The following ARHGAP27 variants were observed in gnomAD, a reference collection of about 807,000 sequenced individuals.
ARHGAP27 encodes Rho GTPase activating protein 27.
In ARHGAP27, 53 loss-of-function variants were observed where a neutral mutation model predicts 102.0. The ratio of observed to expected loss-of-function variants is 0.52; its 90% CI spans 0.42 to 0.65. The LOEUF is 0.65. Ranked by LOEUF, ARHGAP27 falls within the 30% of genes least tolerant of loss-of-function variation. ARHGAP27 has a pLI of 0.00. For synonymous variants in ARHGAP27, 525 were observed against 542.8 expected (o/e 0.97, Z 0.46); for missense variants, 1,117 against 1,256.2 (o/e 0.89, Z 1.68).
At position 45,403,666 on chromosome 17, in the gene ARHGAP27, C is replaced by T. The variant is rs148632168; in HGVS notation, c.1591G>A (p.Val531Ile). 19 of 1,613,886 alleles carry T rather than the reference C, an allele frequency of 1.2e-5. No individual in the cohort carries two copies. The highest frequency in any genetic ancestry group is 5.5e-5 in the South Asian group (5 of 91,078). Residue 531 changes from valine (V) to isoleucine (I), a missense_variant, in exon 11 of 20, where the codon GTC becomes ATC. Val to Ile is a conservative substitution (Grantham distance 29, BLOSUM62 3). Coordinates refer to ENST00000685559, the MANE Select transcript of ARHGAP27 (RefSeq NM_001282290.2). ...TTTGAGTCCTTGAAGAATGTCAGGACGCCACCCTCCAGCACAGTCCAGGAG... is the reference window on the plus strand; with the variant it reads ...TTTGAGTCCTTGAAGAATGTCAGGATGCCACCCTCCAGCACAGTCCAGGAG... ...SASWTVLEGG[V>I]LTFFKDSKTS... is the part of the protein sequence containing the mutation.
In ARHGAP27 at chr17:45,405,859, C is replaced by A; in HGVS notation, c.882G>T (p.Ser294=). ...TCTCAAGGCTCACGTGGCTGTCCAC[C>A]GAGGCAGGGGAGGTGGCTGGGCTGG... ...GAASPATSPA[S]VDSHVSLETE... is the part of the protein sequence containing the mutation. Residue 294 remains serine, a synonymous_variant, in exon 5 of 20, where the codon TCG becomes TCT. Transcript: ENST00000685559. The A allele has an allele frequency of 6.5e-7, 1 of 1,536,254 alleles. No individual in the cohort carries two copies. Among genetic ancestry groups the A allele is most frequent in the Non-Finnish European group, 8.7e-7 (1 of 1,146,900 alleles).
rs118072696 is a variant in ARHGAP27 at position 45,403,575 on chromosome 17, A to T, written c.1638+44T>A. 3,037 of 1,462,644 alleles carry T rather than the reference A, an allele frequency of 2.1e-3. 72 individuals are homozygous for T. In the East Asian group the frequency reaches 0.044, roughly 21 times the overall value. 90.6% of individuals were successfully genotyped at this position (1,462,644 alleles called of 1,614,324 possible). A position where few individuals can be genotyped will look rare whatever the true frequency, so the allele number is the denominator to read the frequency against. ...CAAAAAAAATAAAAATAAAAATAAA[A>T]AAAAGCAGATGGGATGGTCCCTGCC... On this transcript the variant is annotated intron_variant, in intron 11 of 19. Coordinates refer to ENST00000685559, the MANE Select transcript of ARHGAP27 (RefSeq NM_001282290.2).
At chr17:45,410,783 T>C (rs1328296356) in intron 4 of ARHGAP27, among the ~76,000 whole-genome samples, 1 of 150,828 alleles carries the variant, frequency 6.6e-6, no homozygotes, top group East Asian at 2.0e-4. Flanking sequence ...GGTTGTCCAC[T>C]CCCTCTAGGC....
In ARHGAP27 at chr17:45,400,591, C is replaced by T. The variant is rs553191734; in HGVS notation, c.1743+2123G>A. Among the ~76,000 whole-genome samples the T allele has an allele frequency of 2.0e-5, 3 of 152,308 alleles. No homozygotes were observed. In the East Asian group the frequency reaches 5.8e-4, roughly 29 times the overall value. Reference sequence around the variant, plus strand: ...CTGTTTGAAGGATATACCTATCCCTCAAAGTCAGGGGAGAAACATGACTAG... The same window carrying T: ...CTGTTTGAAGGATATACCTATCCCTTAAAGTCAGGGGAGAAACATGACTAG... On this transcript the variant is annotated intron_variant, in intron 12 of 19. Transcript: ENST00000685559.
At chr17:45,419,484 G>GTA (rs1482811908) in intron 4 of ARHGAP27, among the ~76,000 whole-genome samples, 1 of 140,078 alleles carries the variant, frequency 7.1e-6, no homozygotes, top group Non-Finnish European at 1.5e-5. Context: ...TGCTGTGTGT[G>GTA]TATATATATA....
chr17:45,418,447 G>A (rs1359889551), intron 4 of ARHGAP27, among the ~76,000 whole-genome samples: 1 of 151,972 alleles, frequency 6.6e-6, no homozygotes. Flanking sequence ...TCCAGCCTGG[G>A]TGACAGAGCG....
chr17:45,402,132 G>T (rs1722318933), intron 12 of ARHGAP27, among the ~76,000 whole-genome samples: 1 of 152,174 alleles, frequency 6.6e-6, no homozygotes, highest in South Asian at 2.1e-4. Flanking sequence ...TTATTCACTG[G>T]GGATGCGGTC....
At chr17:45,402,884 C>CCCCATCCTATT in intron 11 of ARHGAP27, 66 bp from the exon 12 acceptor site, 2 of 1,381,066 alleles carry the variant, frequency 1.4e-6, no homozygotes, top group South Asian at 1.2e-5. Flanking sequence ...GGCACTCTGA[C>CCCCATCCTATT]CCTAGGAATA....
intron 5 of ARHGAP27, 36 bp from the exon 6 acceptor site, chr17:45,405,142 G>T: frequency 6.5e-7 from 1 of 1,535,828 alleles, no homozygotes; most frequent in Non-Finnish European, 8.8e-7. Context: ...GAGGCTCTGA[G>T]TGCCAGTACT....
rs868660681 is a variant in ARHGAP27 at position 45,395,071 on chromosome 17, A to C, written c.*385T>G. 3.2e-4 allele frequency: 83 copies of C among 262,610 alleles called. No homozygotes were observed. Among genetic ancestry groups the C allele is most frequent in the African/African-American group, 1.7e-3 (75 of 44,178 alleles). The allele number at this position is 262,610 out of a possible 1,614,324, so 16.3% of individuals were successfully genotyped here. On this transcript the variant is annotated 3_prime_UTR_variant, in exon 20 of 20. Coordinates refer to ENST00000685559, the MANE Select transcript of ARHGAP27 (RefSeq NM_001282290.2). ...CAGGGTCTCTGTGAAGGCCTCCACG[A>C]GGTGAGGGCCAGAAGCAGCCAGGAA...
intron 4 of ARHGAP27, among the ~76,000 whole-genome samples, chr17:45,414,320 C>T (rs1292296014): frequency 6.6e-6 from 1 of 152,174 alleles, no homozygotes; most frequent in East Asian, 1.9e-4. Flanking sequence ...TCAGCCCGGT[C>T]CTGAAGGACC....
At position 45,430,092 on chromosome 17, in the gene ARHGAP27, T is replaced by TA; in HGVS notation, c.187dup (p.Tyr63LeufsTer27). On this transcript the variant is annotated frameshift_variant, in exon 4 of 20. Coordinates refer to ENST00000685559, the MANE Select transcript of ARHGAP27 (RefSeq NM_001282290.2). LOFTEE classifies it high-confidence loss of function. The surrounding 1 kb of genome is among the most constrained non-coding windows in gnomAD (Gnocchi z 4.4). The stretch of plus-strand genomic sequence containing the variant: ...GCCCAGCGCGGGCAGCTCGCGCACG[T>TA]ACTGCGCAGGCAGGTAGAAGGGGCG... 1 of 1,490,760 alleles carries TA rather than the reference T, an allele frequency of 6.7e-7. No homozygotes were observed. The highest frequency in any genetic ancestry group is 2.4e-4 in the Middle Eastern group (1 of 4,252). The allele number at this position is 1,490,760 out of a possible 1,614,324, so 92.3% of individuals were successfully genotyped here.
At chr17:45,416,288 T>C (rs2048446203) in intron 4 of ARHGAP27, among the ~76,000 whole-genome samples, 1 of 151,874 alleles carries the variant, frequency 6.6e-6, no homozygotes, top group Non-Finnish European at 1.5e-5. Context: ...TCTCCTGACC[T>C]CGTGATCCGC....
chr17:45,404,714 C>T, intron 6 of ARHGAP27, 33 bp from the exon 7 acceptor site: 1 of 1,594,356 alleles, frequency 6.3e-7, no homozygotes, highest in Non-Finnish European at 8.5e-7. Flanking sequence ...GGCCTCCAGC[C>T]CAGCTTATGA....
chr17:45,395,910 G>A (rs989940164), intron 18 of ARHGAP27, 61 bp from the exon 19 acceptor site: 1 of 1,566,752 alleles, frequency 6.4e-7, no homozygotes, highest in Non-Finnish European at 8.7e-7. Context: ...TATCGGCTGG[G>A]CGAGGGGAGC....
chr17:45,396,317 A>G (rs1162887562), intron 16 of ARHGAP27, 33 bp from the exon 17 acceptor site: 1 of 1,584,272 alleles, frequency 6.3e-7, no homozygotes, highest in Non-Finnish European at 8.6e-7. Context: ...TCCCGGGTTC[A>G]GGGATGGGGA....
At position 45,395,809 on chromosome 17, in the gene ARHGAP27, G is replaced by A. The variant is rs1212366812; in HGVS notation, c.2427C>T (p.Asp809=). Residue 809 remains aspartate, a synonymous_variant, in exon 19 of 20, where the codon GAC becomes GAT. Transcript: ENST00000685559. ...DQARRSRCVR[D]LVRSLPAPNH... ...TGGGAGCGGGCAGCGAGCGCACCAAGTCACGCACACAGCGGCTGCGCCGGG... is the reference window on the plus strand; with the variant it reads ...TGGGAGCGGGCAGCGAGCGCACCAAATCACGCACACAGCGGCTGCGCCGGG... 1 of 1,606,838 alleles carries A rather than the reference G, an allele frequency of 6.2e-7. No homozygotes were observed. Among genetic ancestry groups the A allele is most frequent in the South Asian group, 1.1e-5 (1 of 90,264 alleles).
In ARHGAP27 at chr17:45,429,842, C is replaced by T; in HGVS notation, c.438G>A (p.Arg146=). The part of the protein sequence containing the change: ...APGLPACLYL[R]PAAPVRPAQS... ...GCGCGGGCCGCACGGGCGCCGCGGG[C>T]CGCAGGTACAGGCAGGCTGGCAGGC... Residue 146 remains arginine, a synonymous_variant, in exon 4 of 20, where the codon CGG becomes CGA. Transcript: ENST00000685559. 7.2e-7 allele frequency: 1 copy of T among 1,392,576 alleles called. No individual in the cohort carries two copies. Among genetic ancestry groups the T allele is most frequent in the South Asian group, 1.5e-5 (1 of 68,662 alleles). The allele number at this position is 1,392,576 out of a possible 1,614,324, so 86.3% of individuals were successfully genotyped here. A position where few individuals can be genotyped will look rare whatever the true frequency, so the allele number is the denominator to read the frequency against.
Position 45,416,263 on chromosome 17 carries a change from C to A in ARHGAP27, c.658-10180G>T, listed in dbSNP as rs1489852215. On this transcript the variant is annotated intron_variant, in intron 4 of 19. Transcript: ENST00000685559. ...TAGAGACGGGGTTTCACCGTGTTAG[C>A]CAGGATGGTCTCAATCTCCTGACCT... Among the ~76,000 whole-genome samples the A allele has an allele frequency of 2.0e-5, 3 of 151,740 alleles. No individual in the cohort carries two copies. In the East Asian group the frequency reaches 5.8e-4, roughly 30 times the overall value.
Sources: allele counts gnomAD v4.1 joint callset (sites outside exome capture counted in the v4.1 genomes callset), GRCh38; gene constraint gnomAD v4.1.1; non-coding constraint Gnocchi (gnomAD v3.1); transcripts MANE v1.5; gene names NCBI Gene and HGNC (gene_info 2026-07-23, HGNC 2026-07-21).